Variants in SARAF observed in about 807,000 individuals in gnomAD.
SARAF encodes store-operated calcium entry associated regulatory factor.
In SARAF, 23 loss-of-function variants were observed where a neutral mutation model predicts 39.7. That is an observed-to-expected ratio of 0.58 (90% CI 0.42 to 0.82). SARAF has a LOEUF of 0.82. Ranked by LOEUF, SARAF falls within the 40% of genes least tolerant of loss-of-function variation. The probability of loss-of-function intolerance (pLI) is 0.00; values close to 1 mark genes in which losing one functional copy is unlikely to be tolerated. For missense variants in SARAF, 384 were observed against 418.5 expected, an observed-to-expected ratio of 0.92 and a Z score of 0.72; for synonymous variants, 175 against 168.5, an observed-to-expected ratio of 1.04 and a Z score of -0.30.
chr8:30,072,726 T>C (rs945659808), intron 2 of SARAF, among the ~76,000 whole-genome samples: 2 of 152,212 alleles, frequency 1.3e-5, no homozygotes, highest in African/African-American at 4.8e-5. Context: ...ACTCCTTTGC[T>C]CATGCTATTC....
chr8:30,073,945 C>G lies in SARAF; in HGVS notation c.214G>C (p.Gly72Arg). The stretch of plus-strand genomic sequence containing the variant: ...ACTTTTGGGGTATAAGAATCACAAC[C>G]AGCTGTGCCTCCAACACATTTCAAC... ...PQLKCVGGTA[G>R]CDSYTPKVIQ... The change falls in exon 2 of 6, where the codon GGT (glycine) becomes CGT (arginine). Residue 72 changes from glycine (G) to arginine (R), a missense_variant. Coordinates refer to ENST00000256255, the MANE Select transcript of SARAF (RefSeq NM_016127.6). 6.2e-7 allele frequency: 1 copy of G among 1,614,180 alleles called. No homozygotes were observed. Among genetic ancestry groups the G allele is most frequent in the Non-Finnish European group, 8.5e-7 (1 of 1,180,042 alleles).
intron 2 of SARAF, among the ~76,000 whole-genome samples, chr8:30,071,867 G>T (rs1465139047): frequency 6.6e-6 from 1 of 152,118 alleles, no homozygotes; most frequent in Non-Finnish European, 1.5e-5. Flanking sequence ...ATGGACATTT[G>T]AATTGTTTCT....
intron 1 of SARAF, among the ~76,000 whole-genome samples, chr8:30,078,759 C>G (rs1802032307): frequency 6.6e-6 from 1 of 152,120 alleles, no homozygotes; most frequent in Non-Finnish European, 1.5e-5. Flanking sequence ...CAACCAGGAA[C>G]CCAATAGGGT....
At chr8:30,080,521 A>T (rs146757248) in intron 1 of SARAF, among the ~76,000 whole-genome samples, 1 of 152,218 alleles carries the variant, frequency 6.6e-6, no homozygotes, top group Non-Finnish European at 1.5e-5. Context: ...ACAATATAGC[A>T]TGTTATTTAC....
chr8:30,077,733 C>A (rs112745706), intron 1 of SARAF, among the ~76,000 whole-genome samples: 2,442 of 151,226 alleles, frequency 0.016, 70 homozygotes, highest in African/African-American at 0.056. Flanking sequence ...ACCCAGGAAG[C>A]AGAGGTTGCA....
chr8:30,069,001 C>G (rs1230303078), intron 3 of SARAF, among the ~76,000 whole-genome samples: 1 of 151,884 alleles, frequency 6.6e-6, no homozygotes, highest in Non-Finnish European at 1.5e-5. Flanking sequence ...AATTGTTTTA[C>G]CTTTTACGTT....
chr8:30,073,927 G>C lies in SARAF; in HGVS notation c.232C>G (p.Pro78Ala). Residue 78 changes from proline (P) to alanine (A), a missense_variant, in exon 2 of 6, where the codon CCA becomes GCA. Transcript: ENST00000256255. The stretch of plus-strand genomic sequence containing the variant: ...TTGTTCTGACACTGTATGACTTTTG[G>C]GGTATAAGAATCACAACCAGCTGTG... ...GGTAGCDSYT[P>A]KVIQCQNKGW... 6.2e-7 allele frequency: 1 copy of C among 1,614,124 alleles called. No individual in the cohort carries two copies.
chr8:30,066,748 A>G (rs1801701181), intron 4 of SARAF, 29 bp downstream of exon 4: 4 of 1,612,574 alleles, frequency 2.5e-6, no homozygotes, highest in Non-Finnish European at 3.4e-6. Context: ...TGAATTAAAG[A>G]GCAAGTGAGA....
At chr8:30,075,994 AAAAAAAAAAAC>A (rs1180969501) in intron 1 of SARAF, among the ~76,000 whole-genome samples, 19 of 145,358 alleles carry the variant, frequency 1.3e-4, no homozygotes, top group African/African-American at 3.9e-4. Context: ...AAAAAAACAA[AAAAAAAAAAAC>A]AAAAAACGGG....
chr8:30,076,241 C>T (rs1331093793), intron 1 of SARAF, among the ~76,000 whole-genome samples: 1 of 152,142 alleles, frequency 6.6e-6, no homozygotes, highest in African/African-American at 2.4e-5. Context: ...ACAAAAACAA[C>T]CAAACAGGGA....
chr8:30,069,889 C>T lies in SARAF; in HGVS notation c.453G>A (p.Lys151=), dbSNP rs750959052. 24 of 1,614,068 alleles carry T rather than the reference C, an allele frequency of 1.5e-5. 1 individual carries two copies. In the South Asian group the frequency reaches 1.6e-4, roughly 11 times the overall value. Residue 151 remains lysine (K), a synonymous_variant, in exon 3 of 6, where the codon AAG becomes AAA. Coordinates refer to ENST00000256255, the MANE Select transcript of SARAF (RefSeq NM_016127.6). ...CAGAGAAAGAGGCAAAGCCGTGCTG[C>T]TTTCCAGACTCCTTCAGTTTCTGCA... is the stretch of plus-strand genomic sequence containing the variant. The part of the protein sequence containing the change: ...LGLQKLKESG[K]QHGFASFSDY...
Position 30,072,242 on chromosome 8 carries a change from T to C in SARAF, c.282+1635A>G, listed in dbSNP as rs149547865. ...TGTGCTTATTTATTACTTATATATC[T>C]TCCTTGTAGAAATGTCTATTCAGAT... On this transcript the variant is annotated intron_variant, in intron 2 of 5. Coordinates refer to ENST00000256255, the MANE Select transcript of SARAF (RefSeq NM_016127.6). Among the ~76,000 whole-genome samples, 95 of 152,364 alleles carry C rather than the reference T, an allele frequency of 6.2e-4. No homozygotes were observed. In the East Asian group the frequency reaches 0.013, roughly 21 times the overall value.
At position 30,063,804 on chromosome 8, in the gene SARAF, T is replaced by G; in HGVS notation, c.*84A>C. The G allele has an allele frequency of 8.6e-7, 1 of 1,167,532 alleles. No homozygotes were observed. The highest frequency in any genetic ancestry group is 1.3e-6 in the Non-Finnish European group (1 of 774,384). The allele number at this position is 1,167,532 out of a possible 1,614,324, so 72.3% of individuals were successfully genotyped here. A position where few individuals can be genotyped will look rare whatever the true frequency, so the allele number is the denominator to read the frequency against. On this transcript the variant is annotated 3_prime_UTR_variant, in exon 6 of 6. Transcript: ENST00000256255. ...TTGAATATCCCCTTTTCCCAATTGT[T>G]AACAGGTAGTACTTTTTTTCTAAAG...
chr8:30,069,436 G>A (rs545959032), intron 3 of SARAF, among the ~76,000 whole-genome samples: 137 of 152,104 alleles, frequency 9.0e-4, no homozygotes, highest in Non-Finnish European at 1.7e-3. Context: ...CACCGCGCCC[G>A]GCCAATCAGG....
intron 1 of SARAF, chr8:30,082,235 G>A (rs972517159): frequency 2.0e-5 from 3 of 152,356 alleles, no homozygotes; most frequent in Non-Finnish European, 4.4e-5. Context: ...CTACCGGTGA[G>A]GCCGAGGCAG....
chr8:30,070,178 GGC>G, intron 2 of SARAF, 119 bp from the exon 3 acceptor site: 1 of 877,508 alleles, frequency 1.1e-6, no homozygotes, highest in Non-Finnish European at 1.7e-6. Flanking sequence ...CGGAGGCCAA[GGC>G]GGGTGGATCA....
Position 30,082,990 on chromosome 8 carries a change from G to A in SARAF, c.-41C>T. On this transcript the variant is annotated 5_prime_UTR_variant, in exon 1 of 6. Coordinates refer to ENST00000256255, the MANE Select transcript of SARAF (RefSeq NM_016127.6). The stretch of plus-strand genomic sequence containing the variant: ...TGGCGCCGGGCTGCCAGACGCCTAC[G>A]GGCCGAACCTGGGTGCGGTAGCGCG... 6.8e-7 allele frequency: 1 copy of A among 1,467,204 alleles called. No homozygotes were observed. The highest frequency in any genetic ancestry group is 9.2e-7 in the Non-Finnish European group (1 of 1,086,784). The allele number at this position is 1,467,204 out of a possible 1,614,324, so 90.9% of individuals were successfully genotyped here. A position where few individuals can be genotyped will look rare whatever the true frequency, so the allele number is the denominator to read the frequency against.
At chr8:30,073,370 C>A (rs1309097168) in intron 2 of SARAF, among the ~76,000 whole-genome samples, 2 of 152,250 alleles carry the variant, frequency 1.3e-5, no homozygotes, top group Non-Finnish European at 2.9e-5. Context: ...GTATACAAAA[C>A]ACCAGCGTCC....
chr8:30,083,035 A>G lies in SARAF; in HGVS notation c.-86T>C. On this transcript the variant is annotated 5_prime_UTR_variant, in exon 1 of 6. Coordinates refer to ENST00000256255, the MANE Select transcript of SARAF (RefSeq NM_016127.6). ...AGCGCGCGCGACGCTGCGCAGCTAC[A>G]CCGCTACCCCTGGCGGCGGCGAAGG... 1.0e-6 allele frequency: 1 copy of G among 1,003,328 alleles called. No homozygotes were observed. The highest frequency in any genetic ancestry group is 1.4e-6 in the Non-Finnish European group (1 of 705,862). The allele number at this position is 1,003,328 out of a possible 1,614,324, so 62.2% of individuals were successfully genotyped here.
Sources: gnomAD v4.1 joint callset for allele counts (sites outside exome capture counted in the v4.1 genomes callset) on GRCh38, gnomAD v4.1.1 for gene constraint, MANE v1.5 for transcripts, NCBI Gene and HGNC (gene_info 2026-07-23, HGNC 2026-07-21) for gene names.